The following AAAS variants were observed in gnomAD, a reference collection of about 807,000 sequenced individuals.
The protein encoded by AAAS is aladin WD repeat nucleoporin.
In AAAS, 60 loss-of-function variants were observed where a neutral mutation model predicts 75.6. The ratio of observed to expected loss-of-function variants is 0.79; its 90% CI spans 0.64 to 0.98. AAAS has a LOEUF of 0.98. Among genes scored for constraint, AAAS ranks in the 50% least tolerant of loss-of-function variants. AAAS has a pLI of 0.00. For synonymous variants in AAAS, 271 were observed against 265.0 expected, an observed-to-expected ratio of 1.02 and a Z score of -0.22; for missense variants, 658 against 686.9, an observed-to-expected ratio of 0.96 and a Z score of 0.47.
chr12:53,314,041 G>C (rs1351901890), intron 7 of AAAS, among the ~76,000 whole-genome samples: 1 of 152,092 alleles, frequency 6.6e-6, no homozygotes, highest in Admixed American at 6.6e-5. Flanking sequence ...TGTAAAGGAA[G>C]TGTATAGTCC....
rs1944357971 is a variant in AAAS at position 53,309,799 on chromosome 12, C to T, written c.690-78G>A. The stretch of plus-strand genomic sequence containing the variant: ...CAAAATTCTATTTCTTTGCCTCCTG[C>T]TAAAACCTCCTATCCTGATGGCCCA... On this transcript the variant is annotated intron_variant, in intron 7 of 15. Transcript: ENST00000209873. 2.6e-6 allele frequency: 4 copies of T among 1,561,746 alleles called. No homozygotes were observed. In the South Asian group the frequency reaches 4.7e-5, roughly 18 times the overall value.
In AAAS at chr12:53,308,440, C is replaced by T. The variant is rs1296836658; in HGVS notation, c.1176G>A (p.Glu392=). 1.2e-6 allele frequency: 2 copies of T among 1,614,178 alleles called. No individual in the cohort carries two copies. The highest frequency in any genetic ancestry group is 4.5e-5 in the East Asian group (2 of 44,886). The change falls in exon 12 of 16, where the codon GAG becomes GAA. Residue 392 remains glutamate (E), a synonymous_variant. Transcript: ENST00000209873. The part of the protein sequence containing the change: ...SETTIQTPDG[E]ERLGGEAHSM... ...CCCTCAACCACTCAGCTCACCTCTC[C>T]TCACCATCTGGTGTCTGTATTGTTG...
chr12:53,312,862 A>ATATT (rs1565780124), intron 7 of AAAS, among the ~76,000 whole-genome samples: 4 of 135,232 alleles, frequency 3.0e-5, no homozygotes, highest in African/African-American at 1.1e-4. Context: ...ATATATATAT[A>ATATT]TTTTTTTTTT....
chr12:53,309,652 G>C lies in AAAS; in HGVS notation c.759C>G (p.Ala253=), dbSNP rs751836874. Residue 253 remains alanine (A), a synonymous_variant, in exon 8 of 16, where the codon GCC becomes GCG. Coordinates refer to ENST00000209873, the MANE Select transcript of AAAS (RefSeq NM_015665.6). The part of the protein sequence containing the change: ...GHTPVTSLAW[A]PSGGRLLSAS... Reference sequence around the variant, plus strand: ...CTGAGAGCAGCCGCCCCCCACTGGGGGCCCAGGCCAAGCTGGTAACAGGTG... The same window carrying C: ...CTGAGAGCAGCCGCCCCCCACTGGGCGCCCAGGCCAAGCTGGTAACAGGTG... 5.6e-6 allele frequency: 9 copies of C among 1,613,536 alleles called. No homozygotes were observed. Among genetic ancestry groups the C allele is most frequent in the Admixed American group, 1.7e-5 (1 of 59,950 alleles).
At chr12:53,320,534 G>A (rs531566003) in intron 2 of AAAS, 31 bp downstream of exon 2, 3 of 1,612,892 alleles carry the variant, frequency 1.9e-6, no homozygotes, top group Middle Eastern at 1.9e-4. Context: ...TCTGCAGACT[G>A]TGACCCAGGA....
intron 13 of AAAS, 31 bp downstream of exon 13, chr12:53,308,251 G>A: frequency 6.2e-7 from 1 of 1,613,852 alleles, no homozygotes; most frequent in South Asian, 1.1e-5. Flanking sequence ...GAAGATGGCT[G>A]TGGGCTGAGC....
Position 53,321,403 on chromosome 12 carries a change from G to C in AAAS, c.63C>G (p.His21Gln), listed in dbSNP as rs200408293. ...PPRGQVTLYEHNNELVTGSSY... is the reference protein window; with the variant it reads ...PPRGQVTLYEQNNELVTGSSY... ...TACTGCCCGTCACCAGCTCGTTATT[G>C]TGCTCATATAGGGTGACTTGACCCC... The change falls in exon 1 of 16, where the codon CAC becomes CAG. Residue 21 changes from histidine to glutamine, a missense_variant. Physicochemically the swap from His to Gln is conservative, Grantham distance 24. Coordinates refer to ENST00000209873, the MANE Select transcript of AAAS (RefSeq NM_015665.6). The C allele has an allele frequency of 2.4e-4, 387 of 1,614,226 alleles. 2 individuals are homozygous for C. The East Asian group carries it at 5.3e-3, about 22-fold the overall frequency.
intron 7 of AAAS, 97 bp from the exon 8 acceptor site, chr12:53,309,818 T>G (rs552853118): frequency 5.3e-5 from 81 of 1,521,802 alleles, no homozygotes; most frequent in Middle Eastern, 3.4e-4. Context: ...CCTATCCTGA[T>G]GGCCCACTCT....
intron 1 of AAAS, 162 bp downstream of exon 1, chr12:53,321,181 G>T: frequency 8.8e-7 from 1 of 1,135,262 alleles, no homozygotes; most frequent in Non-Finnish European, 1.2e-6. Context: ...TCCAATCCCA[G>T]TCCTAAAACA....
intron 7 of AAAS, among the ~76,000 whole-genome samples, chr12:53,310,061 C>G (rs564537410): frequency 6.6e-6 from 1 of 152,330 alleles, no homozygotes; most frequent in East Asian, 1.9e-4. Flanking sequence ...TACCCCAGAA[C>G]ACAGCTCTCT....
At chr12:53,312,848 GTA>G (rs1275061276) in intron 7 of AAAS, among the ~76,000 whole-genome samples, 1 of 112,514 alleles carries the variant, frequency 8.9e-6, no homozygotes, top group African/African-American at 3.3e-5. Context: ...GTGTGTGTGT[GTA>G]TATATATATA....
intron 9 of AAAS, 53 bp from the exon 10 acceptor site, chr12:53,309,073 G>C: frequency 6.2e-7 from 1 of 1,614,134 alleles, no homozygotes; most frequent in Non-Finnish European, 8.5e-7. Flanking sequence ...TCTAAAAGTT[G>C]GACCTACCTC....
chr12:53,307,726 GA>G lies in AAAS; in HGVS notation c.1417-14del. 6.2e-7 allele frequency: 1 copy of G among 1,613,976 alleles called. No homozygotes were observed. The highest frequency in any genetic ancestry group is 8.5e-7 in the Non-Finnish European group (1 of 1,179,970). ...CTGTGGACCAGCCCTGCAGAGAAGG[GA>G]AAGAAAAGGATCAGAGTCTGGGCCC... On this transcript the variant is annotated splice_polypyrimidine_tract_variant and intron_variant, in intron 15 of 15. Coordinates refer to ENST00000209873, the MANE Select transcript of AAAS (RefSeq NM_015665.6).
rs1216810887 is a variant in AAAS at position 53,314,193 on chromosome 12, G to C, written c.689+105C>G. 4 of 1,497,278 alleles carry C rather than the reference G, an allele frequency of 2.7e-6. No homozygotes were observed. In the African/African-American group the frequency reaches 5.5e-5, roughly 21 times the overall value. The allele number at this position is 1,497,278 out of a possible 1,614,324, so 92.7% of individuals were successfully genotyped here. A position where few individuals can be genotyped will look rare whatever the true frequency, so the allele number is the denominator to read the frequency against. Reference sequence around the variant, plus strand: ...TCTGCTTTTCCCATAGCCCTGGGAAGTGCTGTGAGGACAAAGAACTTCTCC... The same window carrying C: ...TCTGCTTTTCCCATAGCCCTGGGAACTGCTGTGAGGACAAAGAACTTCTCC... On this transcript the variant is annotated intron_variant, in intron 7 of 15. Transcript: ENST00000209873.
At position 53,309,459 on chromosome 12, in the gene AAAS, C is replaced by G. The variant is rs180770568; in HGVS notation, c.810+142G>C. The G allele has an allele frequency of 4.6e-6, 7 of 1,535,618 alleles. No homozygotes were observed. The East Asian group carries it at 1.1e-4, about 25-fold the overall frequency. On this transcript the variant is annotated intron_variant, in intron 8 of 15. Coordinates refer to ENST00000209873, the MANE Select transcript of AAAS (RefSeq NM_015665.6). ...CAGCGGAATTTTAAACCTCACGAGT[C>G]TGATGGCAAAGCTCCTCTCTGGGTA...
chr12:53,313,362 C>T (rs900895107), intron 7 of AAAS, among the ~76,000 whole-genome samples: 90 of 151,822 alleles, frequency 5.9e-4, no homozygotes, highest in African/African-American at 2.0e-3. Flanking sequence ...GATGGGGTTT[C>T]GCCATGTTGG....
intron 2 of AAAS, among the ~76,000 whole-genome samples, chr12:53,318,183 G>C (rs10876428): frequency 0.9 from 135,809 of 150,886 alleles, 62,401 homozygotes; most frequent in Non-Finnish European, 0.98. Context: ...ACACCATCAT[G>C]CCCAGCTAAT....
At chr12:53,314,881 C>G in intron 5 of AAAS, 32 bp from the exon 6 acceptor site, 2 of 1,591,514 alleles carry the variant, frequency 1.3e-6, no homozygotes, top group African/African-American at 2.7e-5. Flanking sequence ...AGAGTTCCTG[C>G]ACCTATCCCT....
chr12:53,312,029 A>C (rs1944397280), intron 7 of AAAS, among the ~76,000 whole-genome samples: 1 of 151,870 alleles, frequency 6.6e-6, no homozygotes, highest in Non-Finnish European at 1.5e-5. Flanking sequence ...ATCCTGCAAC[A>C]AAAAAAAGGG....
Sources: allele counts gnomAD v4.1 joint callset (sites outside exome capture counted in the v4.1 genomes callset), GRCh38; gene constraint gnomAD v4.1.1; transcripts MANE v1.5; gene names NCBI Gene and HGNC (gene_info 2026-07-23, HGNC 2026-07-21).